The following DLGAP2 variants were observed in gnomAD, a reference collection of about 807,000 sequenced individuals.
DLGAP2 encodes disks large-associated protein 2.
In DLGAP2, 26 loss-of-function variants were observed where a neutral mutation model predicts 100.3. The ratio of observed to expected loss-of-function variants is 0.26; its 90% CI spans 0.19 to 0.36. The LOEUF (loss-of-function observed/expected upper bound fraction) is 0.36. Ranked by LOEUF, DLGAP2 falls within the 10% of genes least tolerant of loss-of-function variation. The pLI is 1.00. For missense variants in DLGAP2, 1,858 were observed against 1,453.2 expected, an observed-to-expected ratio of 1.28 and a Z score of -4.53; for synonymous variants, 886 against 630.1, an observed-to-expected ratio of 1.41 and a Z score of -6.08.
chr8:801,100 G>T (rs941393514), intron 1 of DLGAP2, among the ~76,000 whole-genome samples: 2 of 152,130 alleles, frequency 1.3e-5, no homozygotes, highest in African/African-American at 4.8e-5. Context: ...CGTGTTCACA[G>T]ATCCCACTGC....
chr8:1,515,346 C>G (rs1169498276), intron 4 of DLGAP2, among the ~76,000 whole-genome samples: 1 of 152,222 alleles, frequency 6.6e-6, no homozygotes, highest in Non-Finnish European at 1.5e-5. Context: ...TCTCCCTTCC[C>G]TTAAGACAGA....
chr8:1,038,180 T>G (rs1802190596), intron 2 of DLGAP2, among the ~76,000 whole-genome samples: 1 of 152,274 alleles, frequency 6.6e-6, no homozygotes, highest in African/African-American at 2.4e-5. Context: ...AAGTGTCTTC[T>G]GTGCTAACGC....
chr8:1,639,303 G>T (rs963998453), intron 8 of DLGAP2, among the ~76,000 whole-genome samples: 2 of 152,210 alleles, frequency 1.3e-5, no homozygotes, highest in African/African-American at 4.8e-5. Flanking sequence ...AGCCAGGAGG[G>T]ATGGGGAGGG....
intron 2 of DLGAP2, among the ~76,000 whole-genome samples, chr8:1,101,209 A>G (rs545530782): frequency 6.6e-6 from 1 of 152,324 alleles, no homozygotes; most frequent in South Asian, 2.1e-4. Flanking sequence ...GGGATCTGGA[A>G]GAACTGCCGA....
chr8:822,292 GA>G, intron 1 of DLGAP2: 1 of 399,110 alleles, frequency 2.5e-6, no homozygotes, highest in Non-Finnish European at 4.4e-6. Context: ...TCCACCCGGG[GA>G]GGGGCACAGG....
chr8:1,640,077 T>C (rs1214547746), intron 8 of DLGAP2, among the ~76,000 whole-genome samples: 3 of 152,142 alleles, frequency 2.0e-5, no homozygotes, highest in Admixed American at 6.5e-5. Flanking sequence ...ACTGGTAGAG[T>C]GCATGAATGA....
chr8:982,146 G>C (rs904626766), intron 2 of DLGAP2, among the ~76,000 whole-genome samples: 4 of 152,186 alleles, frequency 2.6e-5, no homozygotes, highest in Non-Finnish European at 2.9e-5. Flanking sequence ...AGTGGAGCGA[G>C]TGTGGACAGG....
chr8:1,483,348 G>A (rs1051551909), intron 3 of DLGAP2, among the ~76,000 whole-genome samples: 1 of 152,194 alleles, frequency 6.6e-6, no homozygotes, highest in African/African-American at 2.4e-5. Context: ...ACGTGCGTGA[G>A]GCCGCGGTGT....
At chr8:1,389,023 G>C (rs1346552883) in intron 3 of DLGAP2, among the ~76,000 whole-genome samples, 1 of 149,422 alleles carries the variant, frequency 6.7e-6, no homozygotes, top group African/African-American at 2.5e-5. Flanking sequence ...GGCCGTGGAT[G>C]AGGAGGCGCT....
intron 2 of DLGAP2, among the ~76,000 whole-genome samples, chr8:944,971 C>G (rs1190408531): frequency 3.3e-5 from 5 of 152,132 alleles, no homozygotes; most frequent in African/African-American, 1.2e-4. Flanking sequence ...TCCTAGTGAT[C>G]TGTGGAGTGA....
At chr8:1,697,411 C>A (rs531658681) in intron 14 of DLGAP2, 112 bp downstream of exon 14, 2 of 1,441,616 alleles carry the variant, frequency 1.4e-6, no homozygotes, top group Non-Finnish European at 1.9e-6. Flanking sequence ...GCTGGCAACA[C>A]ACGAGCAAAT....
Position 1,040,003 on chromosome 8 carries a change from C to T in DLGAP2, c.73+132037C>T, listed in dbSNP as rs181219259. On this transcript the variant is annotated intron_variant, in intron 2 of 14. Coordinates refer to ENST00000637795, the MANE Select transcript of DLGAP2 (RefSeq NM_001346810.2). Reference sequence around the variant, plus strand: ...CGGTGTGCATGGTCTGCTCAGTTTCCGTGGTCAGCTCGGTTTCCGTGGTCA... The same window carrying T: ...CGGTGTGCATGGTCTGCTCAGTTTCTGTGGTCAGCTCGGTTTCCGTGGTCA... 1.9e-3 allele frequency among the ~76,000 whole-genome samples: 244 copies of T among 129,438 alleles called. 2 individuals are homozygous for T. The highest frequency in any genetic ancestry group is 1.8e-3 in the East Asian group (8 of 4,560). The allele number at this position is 129,438 out of a possible 152,430, so 84.9% of individuals were successfully genotyped here.
intron 1 of DLGAP2, among the ~76,000 whole-genome samples, chr8:872,573 C>G (rs1797618957): frequency 6.6e-6 from 1 of 152,146 alleles, no homozygotes; most frequent in Non-Finnish European, 1.5e-5. Context: ...AGGTGATCCA[C>G]CCACCTTGGC....
chr8:1,291,705 C>T (rs1371072393), intron 3 of DLGAP2, among the ~76,000 whole-genome samples: 1 of 152,148 alleles, frequency 6.6e-6, no homozygotes, highest in Non-Finnish European at 1.5e-5. Flanking sequence ...CAGCAGAGCT[C>T]ATCCTGCTCA....
intron 3 of DLGAP2, among the ~76,000 whole-genome samples, chr8:1,430,956 C>G (rs527250853): frequency 6.6e-6 from 1 of 152,300 alleles, no homozygotes; most frequent in South Asian, 2.1e-4. Context: ...CTGGGCAAGT[C>G]ATTACCTTCT....
At chr8:1,626,976 C>G in intron 7 of DLGAP2, 89 bp downstream of exon 7, 1 of 1,465,400 alleles carries the variant, frequency 6.8e-7, no homozygotes, top group Non-Finnish European at 9.1e-7. Context: ...GGCGATGGCG[C>G]TGCCCTCCTG....
intron 3 of DLGAP2, among the ~76,000 whole-genome samples, chr8:1,317,007 C>T (rs1158958925): frequency 2.2e-5 from 2 of 89,754 alleles, no homozygotes; most frequent in Non-Finnish European, 2.2e-5. Flanking sequence ...GGTCTACACT[C>T]GAGAAACTCG....
intron 6 of DLGAP2, among the ~76,000 whole-genome samples, chr8:1,604,227 A>G (rs1796721892): frequency 6.6e-6 from 1 of 152,250 alleles, no homozygotes; most frequent in South Asian, 2.1e-4. Context: ...GGACCTTGCT[A>G]TAAATGCACT....
chr8:1,213,554 A>G (rs537118099), intron 2 of DLGAP2, among the ~76,000 whole-genome samples: 7 of 152,212 alleles, frequency 4.6e-5, no homozygotes, highest in African/African-American at 1.7e-4. Flanking sequence ...CTGTATTCCT[A>G]AGATTGCTGG....
Sources: gnomAD v4.1 joint callset for allele counts (sites outside exome capture counted in the v4.1 genomes callset) on GRCh38, gnomAD v4.1.1 for gene constraint, MANE v1.5 for transcripts, NCBI Gene and HGNC (gene_info 2026-07-23, HGNC 2026-07-21) for gene names.